PUM1: variants seen among roughly 807,000 people sequenced by gnomAD.
The protein encoded by PUM1 is pumilio homolog 1.
A neutral mutation model predicts 131.8 loss-of-function variants in PUM1; 13 were observed. The ratio of observed to expected loss-of-function variants is 0.10; its 90% CI spans 0.06 to 0.16. The LOEUF (loss-of-function observed/expected upper bound fraction) is 0.16, where lower values mean the gene tolerates loss of function less well. Ranked by LOEUF, PUM1 falls within the 10% of genes least tolerant of loss-of-function variation. The pLI is 1.00. For synonymous variants in PUM1, 509 were observed against 556.5 expected (o/e 0.91, Z 1.20); for missense variants, 961 against 1,512.4 (o/e 0.64, Z 6.05).
chr1:31,062,212 G>A lies in PUM1; in HGVS notation c.-11-2635C>T, dbSNP rs146759068. Among the ~76,000 whole-genome samples, 347 of 152,236 alleles carry A rather than the reference G, an allele frequency of 2.3e-3. 2 individuals are homozygous for A. The highest frequency in any genetic ancestry group is 8.1e-3 in the African/African-American group (336 of 41,534). Reference sequence around the variant, plus strand: ...TCTCATTTGTATCCTCTACTCCTCTGGAAGACCAACAAAGAATCCCTCAAA... The same window carrying A: ...TCTCATTTGTATCCTCTACTCCTCTAGAAGACCAACAAAGAATCCCTCAAA... On this transcript the variant is annotated intron_variant, in intron 1 of 21. Coordinates refer to ENST00000426105, the MANE Select transcript of PUM1 (RefSeq NM_001020658.2).
chr1:30,941,988 A>T lies in PUM1; in HGVS notation c.3120+10T>A, dbSNP rs781739666. 2.8e-5 allele frequency: 43 copies of T among 1,559,220 alleles called. No individual in the cohort carries two copies. Among genetic ancestry groups the T allele is most frequent in the Non-Finnish European group, 3.8e-5 (43 of 1,145,596 alleles). ...GGTGTTCGCAGTTCCTCTACTGGCA[A>T]CTCCACTACCTGTACAAGCTGCTCT... is the stretch of plus-strand genomic sequence containing the variant. On this transcript the variant is annotated intron_variant, in intron 19 of 21. Transcript: ENST00000426105.
At chr1:31,057,189 G>A (rs773401139) in intron 2 of PUM1, among the ~76,000 whole-genome samples, 59 of 151,956 alleles carry the variant, frequency 3.9e-4, no homozygotes, top group Non-Finnish European at 6.5e-4. Context: ...GGATCACTGT[G>A]AGCCTGGGCT....
At chr1:31,045,569 G>A (rs1643936492) in intron 2 of PUM1, among the ~76,000 whole-genome samples, 1 of 151,958 alleles carries the variant, frequency 6.6e-6, no homozygotes, top group Non-Finnish European at 1.5e-5. Context: ...GGCAACATGA[G>A]ACCCCATCTG....
intron 7 of PUM1, among the ~76,000 whole-genome samples, chr1:30,988,896 C>T (rs1246459892): frequency 6.6e-6 from 1 of 152,198 alleles, no homozygotes; most frequent in Non-Finnish European, 1.5e-5. Context: ...TAATTTAGCA[C>T]TTAGTTCCCC....
At chr1:30,996,011 CTCTGAAGTG>C (rs1010069069) in intron 5 of PUM1, among the ~76,000 whole-genome samples, 3 of 152,198 alleles carry the variant, frequency 2.0e-5, no homozygotes, top group African/African-American at 7.2e-5. Context: ...AAGAATTTCT[CTCTGAAGTG>C]TCTATCTCCT....
At chr1:30,994,942 TA>T (rs992547881) in intron 6 of PUM1, 111 bp downstream of exon 6, 2 of 1,206,108 alleles carry the variant, frequency 1.7e-6, no homozygotes, top group Non-Finnish European at 2.3e-6. Flanking sequence ...ATTGGATTCT[TA>T]AAAAGAAAAC....
chr1:30,980,026 A>G, intron 9 of PUM1, 36 bp downstream of exon 9: 1 of 1,437,708 alleles, frequency 7.0e-7, no homozygotes, highest in Non-Finnish European at 9.6e-7. Context: ...ACTTTTCAGC[A>G]GGTGAGAAAA....
At chr1:31,057,708 G>A (rs1487902729) in intron 2 of PUM1, among the ~76,000 whole-genome samples, 5 of 116,424 alleles carry the variant, frequency 4.3e-5, no homozygotes, top group Non-Finnish European at 8.2e-5. Flanking sequence ...CTGGGCGACA[G>A]AGCGAGACTC....
chr1:31,018,498 A>G (rs1185809264), intron 3 of PUM1, among the ~76,000 whole-genome samples: 1 of 152,006 alleles, frequency 6.6e-6, no homozygotes, highest in African/African-American at 2.4e-5. Context: ...CTCTACTAAA[A>G]ATACAAAAAA....
intron 9 of PUM1, among the ~76,000 whole-genome samples, chr1:30,976,604 GT>G (rs1304111847): frequency 2.0e-5 from 3 of 152,128 alleles, no homozygotes; most frequent in Admixed American, 2.0e-4. Flanking sequence ...ATATAAATAT[GT>G]TTTGACATTT....
chr1:31,047,904 T>G (rs961471391), intron 2 of PUM1, among the ~76,000 whole-genome samples: 10 of 152,044 alleles, frequency 6.6e-5, no homozygotes, highest in African/African-American at 1.7e-4. Flanking sequence ...ATCGCACCAC[T>G]GCACTATACA....
intron 3 of PUM1, among the ~76,000 whole-genome samples, chr1:31,016,590 T>A (rs915623115): frequency 3.0e-4 from 46 of 152,188 alleles, no homozygotes; most frequent in African/African-American, 1.0e-3. Flanking sequence ...AATGTTAAAA[T>A]TTGTGTTCTC....
intron 2 of PUM1, chr1:31,037,368 C>T (rs75234191): frequency 0.015 from 2,281 of 152,252 alleles, 117 homozygotes; most frequent in East Asian, 0.11. Flanking sequence ...AGCAGGTGGA[C>T]AGTGAAAAGG....
chr1:30,967,355 A>T, intron 11 of PUM1, 45 bp from the exon 12 acceptor site: 3 of 1,571,078 alleles, frequency 1.9e-6, no homozygotes, highest in Non-Finnish European at 2.6e-6. Context: ...TTAAACAAAC[A>T]AGTATCTCCT....
intron 14 of PUM1, among the ~76,000 whole-genome samples, chr1:30,962,096 C>G (rs1640438799): frequency 6.6e-6 from 1 of 152,146 alleles, no homozygotes; most frequent in Non-Finnish European, 1.5e-5. Flanking sequence ...ACAAAGAGTT[C>G]CTCAGGAATG....
chr1:30,968,122 C>T (rs1640700032), intron 11 of PUM1: 1 of 702,236 alleles, frequency 1.4e-6, no homozygotes, highest in African/African-American at 1.7e-5. Flanking sequence ...ACCACATATT[C>T]CAAGCTGCAT....
In PUM1 at chr1:30,965,910, T is replaced by C. The variant is rs868109856; in HGVS notation, c.2086+72A>G. The C allele has an allele frequency of 1.4e-5, 21 of 1,471,278 alleles. No homozygotes were observed. The Middle Eastern group carries it at 2.2e-3, about 153-fold the overall frequency. 91.1% of individuals were successfully genotyped at this position (1,471,278 alleles called of 1,614,324 possible). ...CCAGATCTGCCTGTGGTTCCATGCA[T>C]TGCCAGTATTCCAGAAGGATTGTAA... On this transcript the variant is annotated intron_variant, in intron 13 of 21. Transcript: ENST00000426105.
intron 9 of PUM1, among the ~76,000 whole-genome samples, chr1:30,977,851 C>T (rs1641200709): frequency 6.6e-6 from 1 of 152,174 alleles, no homozygotes; most frequent in South Asian, 2.1e-4. Context: ...ACAGCACAGG[C>T]ATTCTATATA....
At chr1:30,980,227 TAC>T (rs755333731) in intron 8 of PUM1, 64 bp from the exon 9 acceptor site, 8 of 1,280,750 alleles carry the variant, frequency 6.2e-6, no homozygotes, top group African/African-American at 2.9e-5. Context: ...ATCAAATACC[TAC>T]ACAGTTTCGC....
Sources: gnomAD v4.1 joint callset for allele counts (sites outside exome capture counted in the v4.1 genomes callset) on GRCh38, gnomAD v4.1.1 for gene constraint, MANE v1.5 for transcripts, NCBI Gene and HGNC (gene_info 2026-07-23, HGNC 2026-07-21) for gene names.